GJA1: variants seen among roughly 807,000 people sequenced by gnomAD.
GJA1 encodes the protein gap junction protein alpha 1.
A neutral mutation model predicts 31.0 loss-of-function variants in GJA1; 9 were observed. The ratio of observed to expected loss-of-function variants is 0.29; its 90% CI spans 0.17 to 0.51. The LOEUF (loss-of-function observed/expected upper bound fraction) is 0.51, where lower values mean the gene tolerates loss of function less well. GJA1 is among the 20% of genes least tolerant of loss of function. The pLI is 0.98. For missense variants in GJA1, 278 were observed against 468.8 expected, an observed-to-expected ratio of 0.59 and a Z score of 3.76; for synonymous variants, 186 against 180.1, an observed-to-expected ratio of 1.03 and a Z score of -0.26.
chr6:121,443,967 C>T (rs1409038586), intron 1 of GJA1, among the ~76,000 whole-genome samples: 1 of 152,190 alleles, frequency 6.6e-6, no homozygotes, highest in African/African-American at 2.4e-5. Flanking sequence ...CACATCATCA[C>T]ATAGAAACTG....
chr6:121,439,376 T>C (rs1322792146), intron 1 of GJA1, among the ~76,000 whole-genome samples: 5 of 152,178 alleles, frequency 3.3e-5, no homozygotes. Flanking sequence ...AAGGGTGTCT[T>C]TATATGATTA....
chr6:121,443,748 T>G (rs1034379978), intron 1 of GJA1, among the ~76,000 whole-genome samples: 1 of 152,244 alleles, frequency 6.6e-6, no homozygotes, highest in Non-Finnish European at 1.5e-5. Context: ...CTAAAATAAC[T>G]TCTGTTCTGC....
intron 1 of GJA1, among the ~76,000 whole-genome samples, chr6:121,440,942 G>GTTGTTT (rs1198097063): frequency 7.5e-4 from 103 of 137,250 alleles, no homozygotes; most frequent in African/African-American, 2.9e-3. Context: ...TGTTGTTGTT[G>GTTGTTT]TTTGTCGTTT....
intron 1 of GJA1, among the ~76,000 whole-genome samples, chr6:121,439,066 G>C (rs1163621118): frequency 6.6e-6 from 1 of 152,102 alleles, no homozygotes; most frequent in South Asian, 2.1e-4. Flanking sequence ...GAGAGGCTGA[G>C]GTGGGAGGAT....
chr6:121,440,349 T>C (rs1394859810), intron 1 of GJA1, among the ~76,000 whole-genome samples: 1 of 152,170 alleles, frequency 6.6e-6, no homozygotes, highest in Non-Finnish European at 1.5e-5. Flanking sequence ...GGAAGCTCTT[T>C]GTTAAAAAGC....
chr6:121,447,498 C>G lies in GJA1; in HGVS notation c.651C>G (p.Ser217=), dbSNP rs749407310. 3 of 1,613,824 alleles carry G rather than the reference C, an allele frequency of 1.9e-6. No individual in the cohort carries two copies. Among genetic ancestry groups the G allele is most frequent in the Non-Finnish European group, 2.5e-6 (3 of 1,179,936 alleles). Residue 217 remains serine (S), a synonymous_variant, in exon 2 of 2, where the codon TCC becomes TCG. Coordinates refer to ENST00000282561, the MANE Select transcript of GJA1 (RefSeq NM_000165.5). The part of the protein sequence containing the change: ...TIFIIFMLVV[S]LVSLALNIIE... Reference sequence around the variant, plus strand: ...TCATCATCTTCATGCTGGTGGTGTCCTTGGTGTCCCTGGCCTTGAATATCA... The same window carrying G: ...TCATCATCTTCATGCTGGTGGTGTCGTTGGTGTCCCTGGCCTTGAATATCA...
chr6:121,442,249 G>A (rs1435515860), intron 1 of GJA1, among the ~76,000 whole-genome samples: 1 of 152,040 alleles, frequency 6.6e-6, no homozygotes. Context: ...ATTTAAAGTC[G>A]ATAGTAAAAT....
intron 1 of GJA1, among the ~76,000 whole-genome samples, chr6:121,446,303 A>G (rs1393697497): frequency 6.6e-6 from 1 of 152,090 alleles, no homozygotes; most frequent in Admixed American, 6.5e-5. Flanking sequence ...CTTAAAAAAA[A>G]AATCTTTCAG....
intron 1 of GJA1, among the ~76,000 whole-genome samples, chr6:121,436,774 C>T (rs1265441828): frequency 6.6e-6 from 1 of 152,234 alleles, no homozygotes; most frequent in Non-Finnish European, 1.5e-5. Flanking sequence ...CGCACCTTCC[C>T]TCTGCTCGAA....
At chr6:121,436,134 T>TTG (rs1248367601) in intron 1 of GJA1, among the ~76,000 whole-genome samples, 2 of 143,958 alleles carry the variant, frequency 1.4e-5, no homozygotes, top group African/African-American at 5.4e-5. Context: ...TCATTTTATT[T>TTG]TGTTTTTTTT....
intron 1 of GJA1, among the ~76,000 whole-genome samples, chr6:121,441,208 T>C (rs1210422315): frequency 2.0e-5 from 3 of 152,168 alleles, no homozygotes; most frequent in Non-Finnish European, 4.4e-5. Flanking sequence ...CGCCTCGGCC[T>C]CCCAAAGTGC....
At position 121,439,915 on chromosome 6, in the gene GJA1, G is replaced by A. The variant is rs115045375; in HGVS notation, c.-17+4083G>A. ...GGTATAAATAAGGAAGTAAAGGTTG[G>A]GTATTATCTGATGAACTGGGAATCT... is the stretch of plus-strand genomic sequence containing the variant. On this transcript the variant is annotated intron_variant, in intron 1 of 1. Transcript: ENST00000282561. Among the ~76,000 whole-genome samples, 932 of 152,202 alleles carry A rather than the reference G, an allele frequency of 6.1e-3. 7 individuals are homozygous for A. The highest frequency in any genetic ancestry group is 0.02 in the African/African-American group (845 of 41,524).
chr6:121,436,610 G>A (rs1348336700), intron 1 of GJA1, among the ~76,000 whole-genome samples: 1 of 152,194 alleles, frequency 6.6e-6, no homozygotes, highest in Non-Finnish European at 1.5e-5. Flanking sequence ...GTGGTGGCTA[G>A]TTACAGAGCA....
intron 1 of GJA1, among the ~76,000 whole-genome samples, chr6:121,439,308 T>A (rs994582936): frequency 5.3e-5 from 8 of 152,214 alleles, no homozygotes; most frequent in Admixed American, 2.6e-4. Context: ...ATGAGTTATT[T>A]ATTAAATTCT....
In GJA1 at chr6:121,446,022, G is replaced by A. The variant is rs190192116; in HGVS notation, c.-16-810G>A. Among the ~76,000 whole-genome samples, 276 of 152,274 alleles carry A rather than the reference G, an allele frequency of 1.8e-3. 2 individuals carry two copies. The highest frequency in any genetic ancestry group is 5.7e-3 in the African/African-American group (237 of 41,556). ...TTGAAAAATCTTCCAGAGGCCAGGC[G>A]TGGTGGCTCACACCTGTAATCCCAG... On this transcript the variant is annotated intron_variant, in intron 1 of 1. Transcript: ENST00000282561.
chr6:121,440,151 C>T (rs1773744732), intron 1 of GJA1, among the ~76,000 whole-genome samples: 1 of 151,938 alleles, frequency 6.6e-6, no homozygotes. Flanking sequence ...TTGTGTGGTG[C>T]AATCGGAGTT....
intron 1 of GJA1, among the ~76,000 whole-genome samples, chr6:121,440,801 G>T (rs775953360): frequency 2.0e-5 from 3 of 152,028 alleles, no homozygotes; most frequent in Non-Finnish European, 4.4e-5. Flanking sequence ...GAGTGCAGTG[G>T]TGTGATCTCT....
At chr6:121,440,289 C>G (rs1190036499) in intron 1 of GJA1, among the ~76,000 whole-genome samples, 1 of 152,048 alleles carries the variant, frequency 6.6e-6, no homozygotes, top group Non-Finnish European at 1.5e-5. Context: ...ATACCTGATG[C>G]AGTTCTACAA....
chr6:121,445,526 G>A (rs77441430), intron 1 of GJA1, among the ~76,000 whole-genome samples: 1 of 152,280 alleles, frequency 6.6e-6, no homozygotes, highest in African/African-American at 2.4e-5. Flanking sequence ...AGTTAAATGG[G>A]ATGTATAGCC....
Sources: allele counts gnomAD v4.1 joint callset (sites outside exome capture counted in the v4.1 genomes callset), GRCh38; gene constraint gnomAD v4.1.1; transcripts MANE v1.5; gene names NCBI Gene and HGNC (gene_info 2026-07-23, HGNC 2026-07-21).